PATJ: variants seen among roughly 807,000 people sequenced by gnomAD.
PATJ encodes the protein PATJ crumbs cell polarity complex component.
A neutral mutation model predicts 224.9 loss-of-function variants in PATJ; 190 were observed. That is an observed-to-expected ratio of 0.84 (90% CI 0.75 to 0.95). The LOEUF (loss-of-function observed/expected upper bound fraction) is 0.95. Ranked by LOEUF, PATJ falls within the 40% of genes least tolerant of loss-of-function variation. The probability of loss-of-function intolerance (pLI) is 0.00; values close to 1 mark genes in which losing one functional copy is unlikely to be tolerated. For synonymous variants in PATJ, 769 were observed against 820.3 expected (o/e 0.94, Z 1.07); for missense variants, 2,121 against 2,270.3 (o/e 0.93, Z 1.34).
chr1:61,943,556 G>C (rs1025798144), intron 27 of PATJ, among the ~76,000 whole-genome samples: 4 of 152,178 alleles, frequency 2.6e-5, no homozygotes, highest in African/African-American at 9.7e-5. Context: ...CCCCATTGCT[G>C]AGGCTTGAGT....
intron 1 of PATJ, among the ~76,000 whole-genome samples, chr1:61,753,710 A>G (rs1369716949): frequency 6.6e-6 from 1 of 151,882 alleles, no homozygotes; most frequent in Non-Finnish European, 1.5e-5. Context: ...GGGTTTCACC[A>G]TATTGGCCAG....
Position 61,787,958 on chromosome 1 carries a change from A to G in PATJ, c.1054A>G (p.Lys352Glu), listed in dbSNP as rs958471208. The change falls in exon 8 of 44, where the codon AAG becomes GAG. Residue 352 changes from lysine to glutamate, a missense_variant. Lys to Glu is a moderately conservative substitution (Grantham distance 56). Transcript: ENST00000642238. ...TGTTGCCCTGCCTACTGTAGCCAGC[A>G]AGGGCCCTGGTTCTGTGAGTATACA... is the stretch of plus-strand genomic sequence containing the variant. ...LPVALPTVAS[K>E]GPGSDSSLFE... 6 of 1,612,768 alleles carry G rather than the reference A, an allele frequency of 3.7e-6. No homozygotes were observed. The highest frequency in any genetic ancestry group is 3.3e-5 in the Admixed American group (2 of 59,988).
In PATJ at chr1:61,934,121, GTTGTTA is replaced by G. The variant is rs796517624; in HGVS notation, c.3670+6298_3670+6303del. On this transcript the variant is annotated intron_variant, in intron 27 of 43. Coordinates refer to ENST00000642238, the MANE Select transcript of PATJ (RefSeq NM_001350145.3). The stretch of plus-strand genomic sequence containing the variant: ...CCGCTAATTTTTGTATTTTGTTGTT[GTTGTTA>G]TTGTTGTTGAGATGGAGTTTCGCTC... 1.5e-4 allele frequency among the ~76,000 whole-genome samples: 23 copies of G among 149,400 alleles called. 1 individual carries two copies. The highest frequency in any genetic ancestry group is 5.3e-4 in the African/African-American group (21 of 39,576).
intron 6 of PATJ, among the ~76,000 whole-genome samples, chr1:61,774,824 A>G (rs979317138): frequency 2.6e-5 from 4 of 152,026 alleles, no homozygotes; most frequent in African/African-American, 9.7e-5. Context: ...AATCTTTATA[A>G]TATTTTGTGA....
intron 12 of PATJ, among the ~76,000 whole-genome samples, chr1:61,803,437 C>T (rs532485800): frequency 1.3e-5 from 2 of 152,210 alleles, no homozygotes; most frequent in African/African-American, 4.8e-5. Flanking sequence ...ACATGCACTA[C>T]AAGATTTTCG....
At position 62,117,170 on chromosome 1, in the gene PATJ, C is replaced by G. The variant is rs773955612; in HGVS notation, c.4842C>G (p.Leu1614=). 1.9e-6 allele frequency: 3 copies of G among 1,614,070 alleles called. No individual in the cohort carries two copies. Among genetic ancestry groups the G allele is most frequent in the Non-Finnish European group, 2.5e-6 (3 of 1,180,000 alleles). ...QGLVQLEIGR[L]RAGSWTSART... is the part of the protein sequence containing the mutation. Reference sequence around the variant, plus strand: ...TTGTGCAGCTAGAGATTGGAAGACTCCGAGCTGGTTCCTGGACCTCCGCAA... The same window carrying G: ...TTGTGCAGCTAGAGATTGGAAGACTGCGAGCTGGTTCCTGGACCTCCGCAA... Residue 1614 remains leucine, a synonymous_variant, in exon 37 of 44, where the codon CTC becomes CTG. Transcript: ENST00000642238.
At chr1:62,123,230 C>T (rs922904810) in intron 39 of PATJ, among the ~76,000 whole-genome samples, 172 bp downstream of exon 39, 3 of 152,050 alleles carry the variant, frequency 2.0e-5, no homozygotes, top group African/African-American at 7.2e-5. Context: ...TACAGTAGAG[C>T]ACAGAGATGA....
At chr1:61,931,963 T>A (rs910189599) in intron 27 of PATJ, among the ~76,000 whole-genome samples, 1 of 150,542 alleles carries the variant, frequency 6.6e-6, no homozygotes, top group African/African-American at 2.4e-5. Flanking sequence ...ACCTTTATAA[T>A]GTGTGAATTT....
At chr1:61,918,288 A>C (rs971636520) in intron 26 of PATJ, among the ~76,000 whole-genome samples, 1 of 149,382 alleles carries the variant, frequency 6.7e-6, no homozygotes, top group East Asian at 2.0e-4. Context: ...ATTTGTTGGC[A>C]TAAAGTTGTT....
intron 27 of PATJ, among the ~76,000 whole-genome samples, chr1:61,984,015 G>A (rs1644595622): frequency 6.6e-6 from 1 of 151,710 alleles, no homozygotes; most frequent in South Asian, 2.1e-4. Context: ...TGTAGAGATG[G>A]AGTCTTGCTA....
rs559884983 is a variant in PATJ at position 61,868,416 on chromosome 1, T to C, written c.2835+3783T>C. On this transcript the variant is annotated intron_variant, in intron 20 of 43. Transcript: ENST00000642238. ...GTGGAATGGTACAATATTTTTCTTT[T>C]GTGTCTGGCTCTTTCACTTAGTGTA... is the stretch of plus-strand genomic sequence containing the variant. 2.0e-5 allele frequency among the ~76,000 whole-genome samples: 3 copies of C among 152,368 alleles called. No homozygotes were observed. The East Asian group carries it at 5.8e-4, about 29-fold the overall frequency.
intron 22 of PATJ, among the ~76,000 whole-genome samples, chr1:61,887,739 G>A (rs968182780): frequency 2.0e-5 from 3 of 152,122 alleles, no homozygotes; most frequent in Non-Finnish European, 2.9e-5. Context: ...GGGGTGCGGC[G>A]TGACAAAGGA....
chr1:61,972,387 T>A (rs1203705021), intron 27 of PATJ, among the ~76,000 whole-genome samples: 1 of 152,162 alleles, frequency 6.6e-6, no homozygotes, highest in East Asian at 1.9e-4. Flanking sequence ...ATTAAACAAT[T>A]TATAATATTG....
chr1:61,952,697 T>C (rs1022731857), intron 27 of PATJ, among the ~76,000 whole-genome samples: 7 of 152,256 alleles, frequency 4.6e-5, no homozygotes, highest in African/African-American at 1.7e-4. Flanking sequence ...GTAGTTTCAC[T>C]GCCAAGATTC....
At chr1:61,939,546 C>T (rs1457274006) in intron 27 of PATJ, among the ~76,000 whole-genome samples, 3 of 151,224 alleles carry the variant, frequency 2.0e-5, no homozygotes, top group Non-Finnish European at 4.4e-5. Flanking sequence ...AATATTTTAA[C>T]AATATTAATC....
chr1:61,876,022 A>G (rs1265169769), intron 21 of PATJ, among the ~76,000 whole-genome samples: 1 of 152,170 alleles, frequency 6.6e-6, no homozygotes, highest in Non-Finnish European at 1.5e-5. Context: ...TTATAGAGCC[A>G]TTGTTGAGGA....
intron 27 of PATJ, among the ~76,000 whole-genome samples, chr1:61,971,645 G>A (rs1296980520): frequency 6.6e-6 from 1 of 151,760 alleles, no homozygotes; most frequent in Non-Finnish European, 1.5e-5. Flanking sequence ...AAACAGCATA[G>A]ACTGTGACAT....
At chr1:61,907,673 A>C (rs1399717124) in intron 24 of PATJ, among the ~76,000 whole-genome samples, 1 of 152,212 alleles carries the variant, frequency 6.6e-6, no homozygotes, top group Non-Finnish European at 1.5e-5. Context: ...ATCCGTTGAG[A>C]CCACAGAACA....
chr1:62,156,054 T>TAAAAA lies in PATJ; in HGVS notation c.5502+2595_5502+2599dup, dbSNP rs34300724. Among the ~76,000 whole-genome samples the TAAAAA allele has an allele frequency of 9.3e-4, 40 of 43,060 alleles. 1 individual carries two copies. The highest frequency in any genetic ancestry group is 1.3e-3 in the South Asian group (1 of 764). The allele number at this position is 43,060 out of a possible 152,430, so 28.2% of individuals were successfully genotyped here. A position where few individuals can be genotyped will look rare whatever the true frequency, so the allele number is the denominator to read the frequency against. ...GCCTGGGTGACAGAGCAAGACTCTGTAAAAAAAAAAAAAAAAAAAAAAAAA... is the reference window on the plus strand; with the variant it reads ...GCCTGGGTGACAGAGCAAGACTCTGTAAAAAAAAAAAAAAAAAAAAAAAAAAAAAA... On this transcript the variant is annotated intron_variant, in intron 43 of 43. Coordinates refer to ENST00000642238, the MANE Select transcript of PATJ (RefSeq NM_001350145.3).
Sources: gnomAD v4.1 joint callset for allele counts (sites outside exome capture counted in the v4.1 genomes callset) on GRCh38, gnomAD v4.1.1 for gene constraint, MANE v1.5 for transcripts, NCBI Gene and HGNC (gene_info 2026-07-23, HGNC 2026-07-21) for gene names.